The following ADAT2 variants were observed in gnomAD, a reference collection of about 807,000 sequenced individuals.
ADAT2 encodes tRNA-specific adenosine-34 deaminase catalytic subunit ADAT2.
In ADAT2, 26 loss-of-function variants were observed where a neutral mutation model predicts 25.9. That is an observed-to-expected ratio of 1.00 (90% CI 0.74 to 1.39). The LOEUF (loss-of-function observed/expected upper bound fraction) is 1.39, where lower values mean the gene tolerates loss of function less well. Ranked by LOEUF, ADAT2 falls within the 40% of genes most tolerant of loss-of-function variation. The pLI is 0.00. For missense variants in ADAT2, 220 were observed against 244.8 expected (o/e 0.90, Z 0.68); for synonymous variants, 76 against 86.8 (o/e 0.88, Z 0.69).
In ADAT2 at chr6:143,428,738, T is replaced by C; in HGVS notation, c.460-54A>G. 3 of 1,537,658 alleles carry C rather than the reference T, an allele frequency of 2.0e-6. No homozygotes were observed. On this transcript the variant is annotated intron_variant, in intron 4 of 5. Coordinates refer to ENST00000237283, the MANE Select transcript of ADAT2 (RefSeq NM_182503.3). The surrounding 1 kb of genome is among the most constrained non-coding windows in gnomAD (Gnocchi z 5.0). The stretch of plus-strand genomic sequence containing the variant: ...CATAGGCCTATGAAAATGTGTGCTG[T>C]ATCCCATAAAAACAACATATATATA...
chr6:143,448,514 G>C (rs1307718881), intron 1 of ADAT2, among the ~76,000 whole-genome samples: 1 of 151,834 alleles, frequency 6.6e-6, no homozygotes, highest in African/African-American at 2.4e-5. Flanking sequence ...CAAAAAAAAA[G>C]GGTTTTCTAA....
chr6:143,436,012 T>C lies in ADAT2; in HGVS notation c.202-2031A>G, dbSNP rs1481212512. On this transcript the variant is annotated intron_variant, in intron 2 of 5. Transcript: ENST00000237283. The surrounding 1 kb of genome is among the most constrained non-coding windows in gnomAD (Gnocchi z 4.1). ...TATAATGGTAATTATTTTAACATTG[T>C]TTGAAATTATTGCACATGTGAGTTA... Among the ~76,000 whole-genome samples, 1 of 152,186 alleles carries C rather than the reference T, an allele frequency of 6.6e-6. No individual in the cohort carries two copies. Among genetic ancestry groups the C allele is most frequent in the Admixed American group, 6.5e-5 (1 of 15,274 alleles).
At position 143,428,736 on chromosome 6, in the gene ADAT2, T is replaced by C. The variant is rs777226268; in HGVS notation, c.460-52A>G. The stretch of plus-strand genomic sequence containing the variant: ...AACATAGGCCTATGAAAATGTGTGC[T>C]GTATCCCATAAAAACAACATATATA... On this transcript the variant is annotated intron_variant, in intron 4 of 5. Coordinates refer to ENST00000237283, the MANE Select transcript of ADAT2 (RefSeq NM_182503.3). This position sits in a 1 kb window ranked among gnomAD's most constrained non-coding sequence, Gnocchi z 5.0. 6.5e-7 allele frequency: 1 copy of C among 1,542,498 alleles called. No individual in the cohort carries two copies. Among genetic ancestry groups the C allele is most frequent in the South Asian group, 1.2e-5 (1 of 86,914 alleles).
chr6:143,435,157 T>TTAAAAAAA (rs59627912), intron 2 of ADAT2, among the ~76,000 whole-genome samples: 5 of 122,072 alleles, frequency 4.1e-5, no homozygotes, highest in Non-Finnish European at 5.2e-5. Context: ...GTGGAGAGTT[T>TTAAAAAAA]AAAAAAAAAA....
At chr6:143,443,025 A>G (rs1779505126) in intron 1 of ADAT2, among the ~76,000 whole-genome samples, 1 of 152,176 alleles carries the variant, frequency 6.6e-6, no homozygotes, top group African/African-American at 2.4e-5. Context: ...AAGAGCTTAC[A>G]ATTTATTGAA....
Position 143,428,097 on chromosome 6 carries a change from C to T in ADAT2, c.*366G>A. The T allele has an allele frequency of 4.8e-6, 1 of 206,660 alleles. No individual in the cohort carries two copies. Among genetic ancestry groups the T allele is most frequent in the Non-Finnish European group, 9.8e-6 (1 of 101,786 alleles). 12.8% of individuals were successfully genotyped at this position (206,660 alleles called of 1,614,324 possible). On this transcript the variant is annotated 3_prime_UTR_variant, in exon 6 of 6. Transcript: ENST00000237283. This position sits in a 1 kb window ranked among gnomAD's most constrained non-coding sequence, Gnocchi z 5.0. ...AAGGTGTTCTCAGGGTGGCAAACTG[C>T]AGTCCAAACACACTCCAGGTCCCTG...
chr6:143,437,330 G>A lies in ADAT2; in HGVS notation c.201+1260C>T, dbSNP rs1254570436. On this transcript the variant is annotated intron_variant, in intron 2 of 5. Coordinates refer to ENST00000237283, the MANE Select transcript of ADAT2 (RefSeq NM_182503.3). This position sits in a 1 kb window ranked among gnomAD's most constrained non-coding sequence, Gnocchi z 4.1. ...TATTTTTAATCACTGATAATCTAATGTTACAAAGAAATTGCTTTTTTCTTC... is the reference window on the plus strand; with the variant it reads ...TATTTTTAATCACTGATAATCTAATATTACAAAGAAATTGCTTTTTTCTTC... 6.6e-6 allele frequency among the ~76,000 whole-genome samples: 1 copy of A among 152,154 alleles called. No individual in the cohort carries two copies. Among genetic ancestry groups the A allele is most frequent in the African/African-American group, 2.4e-5 (1 of 41,440 alleles).
rs77310170 is a variant in ADAT2, at chr6:143,440,131, T to C, written c.97-1437A>G. ...GGACTAGTGTACATTCATTCCCATCTCAATGCAGTCAAAAGAATATAACTG... is the reference window on the plus strand; with the variant it reads ...GGACTAGTGTACATTCATTCCCATCCCAATGCAGTCAAAAGAATATAACTG... On this transcript the variant is annotated intron_variant, in intron 1 of 5. Transcript: ENST00000237283. The surrounding 1 kb of genome is among the most constrained non-coding windows in gnomAD (Gnocchi z 4.5). Among the ~76,000 whole-genome samples the C allele has an allele frequency of 4.1e-3, 617 of 152,258 alleles. 3 individuals carry two copies. Among genetic ancestry groups the C allele is most frequent in the African/African-American group, 0.013 (555 of 41,548 alleles).
At chr6:143,449,284 T>C (rs1400312651) in intron 1 of ADAT2, among the ~76,000 whole-genome samples, 2 of 152,190 alleles carry the variant, frequency 1.3e-5, no homozygotes, top group Non-Finnish European at 2.9e-5. Context: ...ACTTTTGAGA[T>C]CAAGAGATCC....
chr6:143,438,033 G>A (rs1267947303), intron 2 of ADAT2, among the ~76,000 whole-genome samples: 2 of 152,144 alleles, frequency 1.3e-5, no homozygotes, highest in African/African-American at 4.8e-5. Flanking sequence ...GGCAGCTGGT[G>A]TTGAAGACCC....
chr6:143,428,082 C>T lies in ADAT2; in HGVS notation c.*381G>A, dbSNP rs373733449. 126 of 195,222 alleles carry T rather than the reference C, an allele frequency of 6.5e-4. 1 individual carries two copies. Among genetic ancestry groups the T allele is most frequent in the African/African-American group, 2.9e-3 (124 of 42,796 alleles). 12.1% of individuals were successfully genotyped at this position (195,222 alleles called of 1,614,324 possible). A position where few individuals can be genotyped will look rare whatever the true frequency, so the allele number is the denominator to read the frequency against. ...ATGCCAGTCCTGGAGAAGGTGTTCT[C>T]AGGGTGGCAAACTGCAGTCCAAACA... On this transcript the variant is annotated 3_prime_UTR_variant, in exon 6 of 6. Coordinates refer to ENST00000237283, the MANE Select transcript of ADAT2 (RefSeq NM_182503.3). This position sits in a 1 kb window ranked among gnomAD's most constrained non-coding sequence, Gnocchi z 5.0.
Position 143,444,341 on chromosome 6 carries a change from A to AGG in ADAT2, c.97-5649_97-5648dup, listed in dbSNP as rs1296100924. ...TGAGTGGGTAAGCAACTGGAATGGTAGGCAGGGGAGGGGGCGGTGAGAATA... is the reference window on the plus strand; with the variant it reads ...TGAGTGGGTAAGCAACTGGAATGGTAGGGGCAGGGGAGGGGGCGGTGAGAATA... On this transcript the variant is annotated intron_variant, in intron 1 of 5. Coordinates refer to ENST00000237283, the MANE Select transcript of ADAT2 (RefSeq NM_182503.3). This position sits in a 1 kb window ranked among gnomAD's most constrained non-coding sequence, Gnocchi z 4.3. 6.6e-6 allele frequency among the ~76,000 whole-genome samples: 1 copy of AGG among 152,182 alleles called. No homozygotes were observed. The highest frequency in any genetic ancestry group is 1.5e-5 in the Non-Finnish European group (1 of 68,030).
chr6:143,428,458 CA>C lies in ADAT2; in HGVS notation c.*4del. ...GGGTCACTTGGTTCTTTCATCAGAA[CA>C]TGTTCAAGATTTCTGACATTCCTTT... On this transcript the variant is annotated 3_prime_UTR_variant, in exon 6 of 6. Coordinates refer to ENST00000237283, the MANE Select transcript of ADAT2 (RefSeq NM_182503.3). This position sits in a 1 kb window ranked among gnomAD's most constrained non-coding sequence, Gnocchi z 5.0. 1 of 1,613,254 alleles carries C rather than the reference CA, an allele frequency of 6.2e-7. No individual in the cohort carries two copies. Among genetic ancestry groups the C allele is most frequent in the Non-Finnish European group, 8.5e-7 (1 of 1,179,954 alleles).
chr6:143,423,683 A>G lies in ADAT2; in HGVS notation c.*4780T>C, dbSNP rs990390344. Reference sequence around the variant, plus strand: ...AATGGGCAGAGTGAGGGGGTCAGTGATTAGGAAATTACTAAGAGGAGATAT... The same window carrying G: ...AATGGGCAGAGTGAGGGGGTCAGTGGTTAGGAAATTACTAAGAGGAGATAT... On this transcript the variant is annotated 3_prime_UTR_variant, in exon 6 of 6. Coordinates refer to ENST00000237283, the MANE Select transcript of ADAT2 (RefSeq NM_182503.3). 7 of 152,236 alleles carry G rather than the reference A, an allele frequency of 4.6e-5. No homozygotes were observed. Among genetic ancestry groups the G allele is most frequent in the Admixed American group, 3.9e-4 (6 of 15,274 alleles). The allele number at this position is 152,236 out of a possible 1,614,324, so 9.4% of individuals were successfully genotyped here.
intron 4 of ADAT2, among the ~76,000 whole-genome samples, chr6:143,430,755 C>T (rs113638270): frequency 2.2e-4 from 33 of 151,966 alleles, no homozygotes; most frequent in Non-Finnish European, 4.0e-4. Flanking sequence ...TTAGTAGAGA[C>T]GGGGTTTCAC....
In ADAT2 at chr6:143,446,969, T is replaced by C. The variant is rs12215708; in HGVS notation, c.96+3594A>G. Among the ~76,000 whole-genome samples the C allele has an allele frequency of 0.24, 36,249 of 152,164 alleles. 4,806 individuals carry two copies. Among genetic ancestry groups the C allele is most frequent in the Admixed American group, 0.3 (4,631 of 15,294 alleles). On this transcript the variant is annotated intron_variant, in intron 1 of 5. Coordinates refer to ENST00000237283, the MANE Select transcript of ADAT2 (RefSeq NM_182503.3). This position sits in a 1 kb window ranked among gnomAD's most constrained non-coding sequence, Gnocchi z 5.0. ...TTTTTCCAAGCCTATCTTTAGAATG[T>C]TATGCTGAACATGTTATGATGATTA...
rs981560427 is a variant in ADAT2, at chr6:143,437,813, T to C, written c.201+777A>G. ...AAGATAAAAGTCTGTGTGAATGGCA[T>C]TACAGGTATAAGTGATCTTTGAGTC... is the stretch of plus-strand genomic sequence containing the variant. On this transcript the variant is annotated intron_variant, in intron 2 of 5. Coordinates refer to ENST00000237283, the MANE Select transcript of ADAT2 (RefSeq NM_182503.3). This position sits in a 1 kb window ranked among gnomAD's most constrained non-coding sequence, Gnocchi z 4.1. Among the ~76,000 whole-genome samples, 1 of 152,184 alleles carries C rather than the reference T, an allele frequency of 6.6e-6. No homozygotes were observed. The highest frequency in any genetic ancestry group is 6.5e-5 in the Admixed American group (1 of 15,278).
rs1779143360 is a variant in ADAT2, at chr6:143,432,459, T to C, written c.459+46A>G. ...AGTTATTCACAAGCCCATAAAGAGA[T>C]GAAAATAATTAGCAAGAAAGAAAAA... On this transcript the variant is annotated intron_variant, in intron 4 of 5. Transcript: ENST00000237283. The surrounding 1 kb of genome is among the most constrained non-coding windows in gnomAD (Gnocchi z 4.4). 1 of 1,531,966 alleles carries C rather than the reference T, an allele frequency of 6.5e-7. No individual in the cohort carries two copies. Among genetic ancestry groups the C allele is most frequent in the Admixed American group, 1.7e-5 (1 of 59,850 alleles). The allele number at this position is 1,531,966 out of a possible 1,614,324, so 94.9% of individuals were successfully genotyped here. A position where few individuals can be genotyped will look rare whatever the true frequency, so the allele number is the denominator to read the frequency against.
In ADAT2 at chr6:143,432,384, T is replaced by C. The variant is rs140064801; in HGVS notation, c.459+121A>G. The C allele has an allele frequency of 1.8e-4, 167 of 910,132 alleles. No homozygotes were observed. The African/African-American group carries it at 2.5e-3, about 14-fold the overall frequency. 56.4% of individuals were successfully genotyped at this position (910,132 alleles called of 1,614,324 possible). A position where few individuals can be genotyped will look rare whatever the true frequency, so the allele number is the denominator to read the frequency against. ...ATGAACTCCACCAGAGGCCCTGAGA[T>C]CAAAGATGTCTGATTCTATCATCGT... is the stretch of plus-strand genomic sequence containing the variant. On this transcript the variant is annotated intron_variant, in intron 4 of 5. Transcript: ENST00000237283. This position sits in a 1 kb window ranked among gnomAD's most constrained non-coding sequence, Gnocchi z 4.4.
Sources: allele counts gnomAD v4.1 joint callset (sites outside exome capture counted in the v4.1 genomes callset), GRCh38; gene constraint gnomAD v4.1.1; non-coding constraint Gnocchi (gnomAD v3.1); transcripts MANE v1.5; gene names NCBI Gene and HGNC (gene_info 2026-07-23, HGNC 2026-07-21).